Variants in TIAM1 observed in about 807,000 individuals in gnomAD.
TIAM1 encodes the protein TIAM Rac1 associated GEF 1.
In TIAM1, 65 loss-of-function variants were observed where a neutral mutation model predicts 163.5. That is an observed-to-expected ratio of 0.40 (90% CI 0.33 to 0.49). The LOEUF is 0.49. Ranked by LOEUF, TIAM1 falls within the 20% of genes least tolerant of loss-of-function variation. The pLI is 0.77. For synonymous variants in TIAM1, 833 were observed against 810.1 expected (o/e 1.03, Z -0.48); for missense variants, 1,789 against 2,044.7 (o/e 0.87, Z 2.41).
intron 5 of TIAM1, among the ~76,000 whole-genome samples, chr21:31,251,375 T>G (rs2071794447): frequency 6.6e-6 from 1 of 152,144 alleles, no homozygotes; most frequent in African/African-American, 2.4e-5. Flanking sequence ...GTTTGTTTAT[T>G]ATGAGCTGGT....
chr21:31,181,888 G>A (rs961895429), intron 15 of TIAM1, among the ~76,000 whole-genome samples: 12 of 141,548 alleles, frequency 8.5e-5, no homozygotes, highest in Admixed American at 3.0e-4. Flanking sequence ...GGGCCCAAGC[G>A]ATCCTCCTGA....
chr21:31,256,588 T>TACACAC (rs5030999), intron 4 of TIAM1, among the ~76,000 whole-genome samples: 9,343 of 128,044 alleles, frequency 0.073, 509 homozygotes, highest in Admixed American at 0.11. Context: ...TACCCCTCAC[T>TACACAC]ACACACACAC....
chr21:31,217,752 C>T (rs1388277764), intron 8 of TIAM1, 53 bp from the exon 9 acceptor site: 1 of 1,586,242 alleles, frequency 6.3e-7, no homozygotes, highest in Non-Finnish European at 8.6e-7. Context: ...GGACCACCCA[C>T]TTGTGCCTTG....
chr21:31,187,326 A>G (rs1240750837), intron 13 of TIAM1, among the ~76,000 whole-genome samples: 2 of 152,364 alleles, frequency 1.3e-5, no homozygotes, highest in Non-Finnish European at 2.9e-5. Context: ...CAATCAACTC[A>G]AAGGAAAGCA....
At chr21:31,408,781 G>T (rs1218817243) in intron 2 of TIAM1, among the ~76,000 whole-genome samples, 1 of 152,176 alleles carries the variant, frequency 6.6e-6, no homozygotes, top group Non-Finnish European at 1.5e-5. Flanking sequence ...CGAAGACAAT[G>T]GTTCTCTAAG....
intron 1 of TIAM1, among the ~76,000 whole-genome samples, chr21:31,547,580 AC>A (rs1442056816): frequency 6.6e-6 from 1 of 152,238 alleles, no homozygotes; most frequent in Non-Finnish European, 1.5e-5. Context: ...AACCACAGTT[AC>A]AAGGTTTTAA....
At chr21:31,261,707 C>T (rs1308037297) in intron 4 of TIAM1, among the ~76,000 whole-genome samples, 5 of 132,436 alleles carry the variant, frequency 3.8e-5, no homozygotes, top group South Asian at 2.4e-4. Context: ...AGTGAGACTC[C>T]GTCTCAAAAA....
At chr21:31,535,952 G>A (rs540508059) in intron 1 of TIAM1, among the ~76,000 whole-genome samples, 4 of 152,306 alleles carry the variant, frequency 2.6e-5, no homozygotes, top group African/African-American at 9.6e-5. Flanking sequence ...TTAGAGGCAC[G>A]CCAACAGATG....
intron 1 of TIAM1, among the ~76,000 whole-genome samples, chr21:31,518,662 T>C (rs1463802567): frequency 2.0e-5 from 3 of 152,044 alleles, no homozygotes; most frequent in Non-Finnish European, 4.4e-5. Flanking sequence ...TTCATCTTTT[T>C]CAACAATAAT....
intron 2 of TIAM1, among the ~76,000 whole-genome samples, chr21:31,457,054 A>C (rs960705712): frequency 1.3e-5 from 2 of 152,184 alleles, no homozygotes; most frequent in African/African-American, 4.8e-5. Flanking sequence ...TTGCAGTTTA[A>C]GATGCTCCTC....
chr21:31,365,210 C>A (rs78442134), intron 2 of TIAM1, among the ~76,000 whole-genome samples: 4,377 of 152,020 alleles, frequency 0.029, 93 homozygotes, highest in African/African-American at 0.065. Flanking sequence ...AGAAGATCTC[C>A]CCAGCAGATC....
At chr21:31,233,763 T>C (rs2088572408) in intron 6 of TIAM1, among the ~76,000 whole-genome samples, 1 of 152,186 alleles carries the variant, frequency 6.6e-6, no homozygotes, top group South Asian at 2.1e-4. Flanking sequence ...GGTGATATAA[T>C]GGATCCCTCT....
chr21:31,381,561 G>A (rs1263849105), intron 2 of TIAM1, among the ~76,000 whole-genome samples: 6 of 152,116 alleles, frequency 3.9e-5, no homozygotes, highest in South Asian at 2.1e-4. Context: ...CCAGCTACTC[G>A]AGAGGCTGAG....
At chr21:31,229,650 AC>A (rs746748943) in intron 6 of TIAM1, among the ~76,000 whole-genome samples, 1 of 142,064 alleles carries the variant, frequency 7.0e-6, no homozygotes, top group Non-Finnish European at 1.5e-5. Flanking sequence ...TCGTGTCTTC[AC>A]CCCCCCTTTT....
intron 15 of TIAM1, among the ~76,000 whole-genome samples, chr21:31,174,746 C>T (rs1379330646): frequency 6.6e-6 from 1 of 152,224 alleles, no homozygotes; most frequent in Non-Finnish European, 1.5e-5. Flanking sequence ...CTCCCGGGTT[C>T]AAGCAATTCT....
intron 17 of TIAM1, 44 bp downstream of exon 17, chr21:31,154,203 T>G: frequency 6.3e-7 from 1 of 1,594,486 alleles, no homozygotes; most frequent in Non-Finnish European, 8.6e-7. Context: ...ACTTCACTCC[T>G]TTACGAGGCA....
chr21:31,518,659 T>C (rs184217952), intron 1 of TIAM1, among the ~76,000 whole-genome samples: 8 of 152,206 alleles, frequency 5.3e-5, no homozygotes, highest in African/African-American at 1.9e-4. Context: ...CACTTCATCT[T>C]TTTCAACAAT....
intron 2 of TIAM1, among the ~76,000 whole-genome samples, chr21:31,353,291 T>G (rs1477077218): frequency 6.6e-6 from 1 of 152,206 alleles, no homozygotes; most frequent in African/African-American, 2.4e-5. Context: ...CATTCAGGTG[T>G]ACCCTCAACT....
At chr21:31,408,775 G>A (rs945461321) in intron 2 of TIAM1, among the ~76,000 whole-genome samples, 10 of 152,132 alleles carry the variant, frequency 6.6e-5, no homozygotes, top group African/African-American at 2.4e-4. Context: ...CTCACACGAA[G>A]ACAATGGTTC....
Sources: gnomAD v4.1 joint callset for allele counts (sites outside exome capture counted in the v4.1 genomes callset) on GRCh38, gnomAD v4.1.1 for gene constraint, MANE v1.5 for transcripts, NCBI Gene and HGNC (gene_info 2026-07-23, HGNC 2026-07-21) for gene names.